Variants in FAM169A observed in about 807,000 individuals in gnomAD.
FAM169A encodes family with sequence similarity 169 member A.
A neutral mutation model predicts 75.7 loss-of-function variants in FAM169A; 24 were observed. That is an observed-to-expected ratio of 0.32 (90% CI 0.23 to 0.45). FAM169A has a LOEUF of 0.45. Ranked by LOEUF, FAM169A falls within the 20% of genes least tolerant of loss-of-function variation. FAM169A has a pLI of 1.00. For synonymous variants in FAM169A, 271 were observed against 271.0 expected (o/e 1.00, Z 0.00); for missense variants, 673 against 784.0 (o/e 0.86, Z 1.69).
chr5:74,826,470 T>C (rs1383263397), intron 5 of FAM169A, among the ~76,000 whole-genome samples: 2 of 152,224 alleles, frequency 1.3e-5, no homozygotes, highest in African/African-American at 4.8e-5. Context: ...GTTTCTTTTT[T>C]CTTTTGGCCT....
rs575950449 is a variant in FAM169A, at chr5:74,841,540, C to T, written c.132+5G>A. ...ATTGATGACAATCACTGCAGAACAC[C>T]TTACCGTAATATTGAGAAGAGAAAA... On this transcript the variant is annotated splice_donor_5th_base_variant and intron_variant, in intron 2 of 12. Transcript: ENST00000687041. The T allele has an allele frequency of 6.2e-7, 1 of 1,607,994 alleles. No homozygotes were observed. The highest frequency in any genetic ancestry group is 2.2e-5 in the East Asian group (1 of 44,622).
chr5:74,785,325 A>G (rs558272645), intron 11 of FAM169A, among the ~76,000 whole-genome samples: 1 of 152,310 alleles, frequency 6.6e-6, no homozygotes, highest in African/African-American at 2.4e-5. Context: ...TCTCAAAAGA[A>G]AAAAAAGAAA....
chr5:74,786,073 G>C (rs1295714626), intron 11 of FAM169A, among the ~76,000 whole-genome samples: 1 of 152,132 alleles, frequency 6.6e-6, no homozygotes, highest in African/African-American at 2.4e-5. Context: ...GAAGAACGTG[G>C]AGAGATTAGA....
rs1240633160 is a variant in FAM169A, at chr5:74,814,056, C to T, written c.491-37G>A. 4 of 1,434,502 alleles carry T rather than the reference C, an allele frequency of 2.8e-6. No individual in the cohort carries two copies. The African/African-American group carries it at 4.3e-5, about 15-fold the overall frequency. The allele number at this position is 1,434,502 out of a possible 1,614,324, so 88.9% of individuals were successfully genotyped here. A position where few individuals can be genotyped will look rare whatever the true frequency, so the allele number is the denominator to read the frequency against. ...AGAACAGAAACCCAATAATTTCTCA[C>T]ATTAAAAAATATACATACATTTAGT... On this transcript the variant is annotated intron_variant, in intron 5 of 12. Coordinates refer to ENST00000687041, the MANE Select transcript of FAM169A (RefSeq NM_001376049.1).
At chr5:74,823,477 G>A (rs6877116) in intron 5 of FAM169A, among the ~76,000 whole-genome samples, 43,458 of 152,012 alleles carry the variant, frequency 0.29, 7,453 homozygotes, top group African/African-American at 0.48. Context: ...TACCTCAAAT[G>A]TATTACTTAC....
chr5:74,825,627 C>T (rs1747982248), intron 5 of FAM169A, among the ~76,000 whole-genome samples: 2 of 152,142 alleles, frequency 1.3e-5, no homozygotes, highest in Admixed American at 6.6e-5. Flanking sequence ...TGTTTTAAGA[C>T]TGACAGTCTA....
At chr5:74,861,696 T>A (rs1750044163) in intron 1 of FAM169A, among the ~76,000 whole-genome samples, 3 of 151,814 alleles carry the variant, frequency 2.0e-5, no homozygotes, top group Non-Finnish European at 4.4e-5. Flanking sequence ...CCCTCTACAA[T>A]CCTCTCTTCT....
chr5:74,853,984 T>C (rs1319064959), intron 1 of FAM169A, among the ~76,000 whole-genome samples: 3 of 152,116 alleles, frequency 2.0e-5, no homozygotes, highest in Admixed American at 6.6e-5. Context: ...GTAAAATGCC[T>C]ACCCAATATA....
At chr5:74,865,322 G>C (rs1329814050) in intron 1 of FAM169A, 2 of 152,100 alleles carry the variant, frequency 1.3e-5, no homozygotes, top group Admixed American at 6.5e-5. Context: ...CCAAAAACCC[G>C]TACACACGTT....
chr5:74,862,508 A>G (rs978188556), intron 1 of FAM169A, among the ~76,000 whole-genome samples: 1 of 152,236 alleles, frequency 6.6e-6, no homozygotes, highest in African/African-American at 2.4e-5. Context: ...GCCCTTCCAG[A>G]GTCACTCAGA....
chr5:74,842,688 G>A (rs550873274), intron 1 of FAM169A, among the ~76,000 whole-genome samples: 2 of 151,910 alleles, frequency 1.3e-5, no homozygotes, highest in East Asian at 1.9e-4. Flanking sequence ...CTAAGCCACT[G>A]TGCCAGGACT....
At chr5:74,785,292 C>G (rs566083020) in intron 11 of FAM169A, among the ~76,000 whole-genome samples, 2 of 152,286 alleles carry the variant, frequency 1.3e-5, no homozygotes, top group South Asian at 4.1e-4. Context: ...GCATTCCAGC[C>G]TGGGCAACAG....
intron 5 of FAM169A, among the ~76,000 whole-genome samples, chr5:74,821,617 G>C (rs914162431): frequency 1.3e-5 from 2 of 152,126 alleles, no homozygotes; most frequent in African/African-American, 4.8e-5. Flanking sequence ...CTATAAATTA[G>C]TTAAGGCAAT....
intron 11 of FAM169A, among the ~76,000 whole-genome samples, chr5:74,784,185 GAT>G (rs1211408426): frequency 6.6e-6 from 1 of 151,890 alleles, no homozygotes; most frequent in East Asian, 1.9e-4. Flanking sequence ...TTTCAAAAAA[GAT>G]AAAATGAACC....
intron 5 of FAM169A, among the ~76,000 whole-genome samples, chr5:74,814,905 T>A (rs1747390318): frequency 6.6e-6 from 1 of 152,226 alleles, no homozygotes; most frequent in Non-Finnish European, 1.5e-5. Context: ...AATAAAATAA[T>A]CTTTTATTCT....
intron 11 of FAM169A, among the ~76,000 whole-genome samples, chr5:74,792,087 G>A (rs985019059): frequency 3.9e-5 from 6 of 152,218 alleles, no homozygotes; most frequent in Middle Eastern, 3.4e-3. Flanking sequence ...CCACTTGTAC[G>A]AATGACAGTT....
intron 5 of FAM169A, among the ~76,000 whole-genome samples, chr5:74,825,868 T>A (rs1747997498): frequency 6.6e-6 from 1 of 152,168 alleles, no homozygotes; most frequent in Admixed American, 6.5e-5. Context: ...AATTTCACAA[T>A]AATCTTGGTA....
At chr5:74,818,608 A>T (rs1019403986) in intron 5 of FAM169A, among the ~76,000 whole-genome samples, 2 of 117,994 alleles carry the variant, frequency 1.7e-5, no homozygotes, top group African/African-American at 6.5e-5. Flanking sequence ...TATATACTGT[A>T]TGTCCTTATT....
Position 74,781,879 on chromosome 5 carries a change from T to G in FAM169A, c.1594A>C (p.Thr532Pro). The G allele has an allele frequency of 1.9e-6, 3 of 1,614,064 alleles. 1 individual carries two copies. The South Asian group carries it at 3.3e-5, about 18-fold the overall frequency. The change falls in exon 13 of 13, where the codon ACT (threonine) becomes CCT (proline). Residue 532 changes from threonine to proline, a missense_variant. Thr to Pro is a conservative substitution (Grantham distance 38). Transcript: ENST00000687041. ...AHLGSSDNVA[T>P]MSNEERSDGG... ...TCAGATCGTTCTTCATTTGACATAG[T>G]AGCAACATTGTCTGAACTCCCAAGA...
Sources: allele counts gnomAD v4.1 joint callset (sites outside exome capture counted in the v4.1 genomes callset), GRCh38; gene constraint gnomAD v4.1.1; transcripts MANE v1.5; gene names NCBI Gene and HGNC (gene_info 2026-07-23, HGNC 2026-07-21).